Variants in IL15 observed in about 807,000 individuals in gnomAD.
The protein encoded by IL15 is interleukin-15.
IL15 carries 11 observed loss-of-function variants against 19.6 expected under a neutral mutation model. The ratio of observed to expected loss-of-function variants is 0.56; its 90% CI spans 0.35 to 0.93. The LOEUF (loss-of-function observed/expected upper bound fraction) is 0.93. Among genes scored for constraint, IL15 ranks in the 40% least tolerant of loss-of-function variants. The pLI is 0.01. For missense variants in IL15, 197 were observed against 186.5 expected, an observed-to-expected ratio of 1.06 and a Z score of -0.33; for synonymous variants, 58 against 59.6, an observed-to-expected ratio of 0.97 and a Z score of 0.12.
At chr4:141,686,969 G>T (rs1459798703) in intron 2 of IL15, among the ~76,000 whole-genome samples, 2 of 152,000 alleles carry the variant, frequency 1.3e-5, no homozygotes, top group East Asian at 3.9e-4. Flanking sequence ...TTTAGCAAAG[G>T]GGATTGAAAT....
At chr4:141,677,203 T>C (rs572771362) in intron 2 of IL15, among the ~76,000 whole-genome samples, 2 of 152,322 alleles carry the variant, frequency 1.3e-5, no homozygotes, top group East Asian at 3.9e-4. Context: ...CCTCCACTTC[T>C]TCTGCCTCTG....
At chr4:141,653,852 A>G (rs1727496380) in intron 1 of IL15, among the ~76,000 whole-genome samples, 1 of 152,184 alleles carries the variant, frequency 6.6e-6, no homozygotes, top group Non-Finnish European at 1.5e-5. Context: ...TCCATAGAAC[A>G]CAAGTCTCAT....
chr4:141,675,782 G>A (rs1728321744), intron 2 of IL15, among the ~76,000 whole-genome samples: 1 of 152,174 alleles, frequency 6.6e-6, no homozygotes, highest in Non-Finnish European at 1.5e-5. Context: ...TGAAGCTGTA[G>A]CTGCAGCTAC....
At chr4:141,703,061 C>A (rs568160300) in intron 2 of IL15, among the ~76,000 whole-genome samples, 99 of 152,298 alleles carry the variant, frequency 6.5e-4, no homozygotes, top group African/African-American at 2.3e-3. Flanking sequence ...TAAGCCTCAT[C>A]CAGCTCCTTG....
chr4:141,692,813 GTCT>G (rs1728958500), intron 2 of IL15, among the ~76,000 whole-genome samples: 1 of 151,844 alleles, frequency 6.6e-6, no homozygotes, highest in Non-Finnish European at 1.5e-5. Flanking sequence ...ACATCTGCCT[GTCT>G]TCTTCTGAGC....
At chr4:141,656,956 G>A (rs1727627416) in intron 2 of IL15, among the ~76,000 whole-genome samples, 1 of 152,072 alleles carries the variant, frequency 6.6e-6, no homozygotes, top group African/African-American at 2.4e-5. Context: ...ACAAAATATA[G>A]TAAGGTATAA....
chr4:141,667,536 C>T (rs968931934), intron 2 of IL15, among the ~76,000 whole-genome samples: 1 of 152,052 alleles, frequency 6.6e-6, no homozygotes, highest in Non-Finnish European at 1.5e-5. Flanking sequence ...TTCCACCCAG[C>T]ACCTATGGTT....
At chr4:141,676,074 C>G (rs1456315842) in intron 2 of IL15, among the ~76,000 whole-genome samples, 3 of 152,088 alleles carry the variant, frequency 2.0e-5, no homozygotes, top group Admixed American at 6.5e-5. Context: ...TTAAGCTGGT[C>G]TTTTTTGTCT....
intron 2 of IL15, among the ~76,000 whole-genome samples, chr4:141,665,547 G>A (rs1418354671): frequency 2.0e-5 from 3 of 152,006 alleles, no homozygotes; most frequent in Admixed American, 6.6e-5. Context: ...ATTCTTATAT[G>A]TCAATTTCAC....
At chr4:141,726,337 G>T (rs1459031200) in intron 5 of IL15, among the ~76,000 whole-genome samples, 2 of 152,088 alleles carry the variant, frequency 1.3e-5, no homozygotes, top group Admixed American at 1.3e-4. Flanking sequence ...ATTTTGTTTA[G>T]AAAGTAATGC....
chr4:141,719,189 T>A (rs1193994434), intron 2 of IL15, 177 bp from the exon 3 acceptor site: 2 of 317,952 alleles, frequency 6.3e-6, no homozygotes, highest in East Asian at 9.9e-5. Context: ...TAGAGTAGCT[T>A]ACCTAAATGC....
intron 2 of IL15, chr4:141,718,354 G>A (rs1190332169): frequency 2.6e-5 from 4 of 152,064 alleles, no homozygotes; most frequent in Non-Finnish European, 5.9e-5. Flanking sequence ...TGGATGAAAT[G>A]ATGAAGATTA....
intron 7 of IL15, among the ~76,000 whole-genome samples, chr4:141,731,178 C>T (rs2152194299): frequency 6.6e-6 from 1 of 152,258 alleles, no homozygotes; most frequent in Middle Eastern, 3.4e-3. Context: ...TAGGTCTTTG[C>T]TTCAGTGTCA....
chr4:141,690,736 C>T (rs1728882073), intron 2 of IL15, among the ~76,000 whole-genome samples: 1 of 152,168 alleles, frequency 6.6e-6, no homozygotes, highest in Non-Finnish European at 1.5e-5. Context: ...CAATGAACAG[C>T]AACTTCTCCT....
intron 2 of IL15, among the ~76,000 whole-genome samples, chr4:141,690,929 C>T (rs1728888596): frequency 6.6e-6 from 1 of 152,172 alleles, no homozygotes; most frequent in South Asian, 2.1e-4. Flanking sequence ...CGCTTTTCTT[C>T]TGTATTAGAT....
intron 2 of IL15, among the ~76,000 whole-genome samples, chr4:141,705,252 T>A (rs1302649306): frequency 3.3e-5 from 5 of 151,980 alleles, no homozygotes; most frequent in African/African-American, 1.2e-4. Context: ...TCTTTCACTA[T>A]GTCGCATAGG....
At chr4:141,707,636 C>A (rs907092960) in intron 2 of IL15, among the ~76,000 whole-genome samples, 1 of 152,174 alleles carries the variant, frequency 6.6e-6, no homozygotes, top group Non-Finnish European at 1.5e-5. Context: ...AGCACGGTAT[C>A]TGTGCAGTTT....
chr4:141,642,434 T>A lies in IL15; in HGVS notation c.-222+5686T>A, dbSNP rs1727078089. Reference sequence around the variant, plus strand: ...AGGTGCGTGTTGTTCAGTTGGGATATATAGTTCAGCCTTCTTTCCCACACC... The same window carrying A: ...AGGTGCGTGTTGTTCAGTTGGGATAAATAGTTCAGCCTTCTTTCCCACACC... On this transcript the variant is annotated intron_variant, in intron 1 of 7. Transcript: ENST00000320650. Among the ~76,000 whole-genome samples, 4 of 152,284 alleles carry A rather than the reference T, an allele frequency of 2.6e-5. No homozygotes were observed. The South Asian group carries it at 8.3e-4, about 32-fold the overall frequency.
Position 141,729,977 on chromosome 4 carries a change from C to G in IL15, c.371C>G (p.Ser124Cys), listed in dbSNP as rs749738660. 1 of 1,609,572 alleles carries G rather than the reference C, an allele frequency of 6.2e-7. No individual in the cohort carries two copies. Among genetic ancestry groups the G allele is most frequent in the Non-Finnish European group, 8.5e-7 (1 of 1,176,188 alleles). Reference protein sequence around the residue: ...LIILANNSLSSNGNVTESGCK... With the variant: ...LIILANNSLSCNGNVTESGCK... Reference sequence around the variant, plus strand: ...ATCCTAGCAAACAACAGTTTGTCTTCTAATGGGGTGAGTTTTCCAACAGTT... The same window carrying G: ...ATCCTAGCAAACAACAGTTTGTCTTGTAATGGGGTGAGTTTTCCAACAGTT... The change falls in exon 7 of 8, where the codon TCT becomes TGT. Residue 124 changes from serine to cysteine, a missense_variant. Physicochemically the swap from Ser to Cys is moderately radical, Grantham distance 112 (BLOSUM62 -1). Coordinates refer to ENST00000320650, the MANE Select transcript of IL15 (RefSeq NM_000585.5).
Sources: allele counts gnomAD v4.1 joint callset (sites outside exome capture counted in the v4.1 genomes callset), GRCh38; gene constraint gnomAD v4.1.1; transcripts MANE v1.5; gene names NCBI Gene and HGNC (gene_info 2026-07-23, HGNC 2026-07-21).